Variants in KAT6B observed in about 807,000 individuals in gnomAD.
KAT6B encodes the protein histone acetyltransferase KAT6B.
A neutral mutation model predicts 187.5 loss-of-function variants in KAT6B; 10 were observed. That is an observed-to-expected ratio of 0.05 (90% CI 0.03 to 0.09). The LOEUF is 0.09. Among genes scored for constraint, KAT6B ranks in the 10% least tolerant of loss-of-function variants. KAT6B has a pLI of 1.00. For synonymous variants in KAT6B, 861 were observed against 926.8 expected, an observed-to-expected ratio of 0.93 and a Z score of 1.29; for missense variants, 1,952 against 2,558.9, an observed-to-expected ratio of 0.76 and a Z score of 5.12.
intron 3 of KAT6B, among the ~76,000 whole-genome samples, chr10:74,881,075 A>G (rs1377296483): frequency 6.6e-6 from 1 of 151,490 alleles, no homozygotes; most frequent in Middle Eastern, 3.4e-3. Flanking sequence ...AGGTGCAGCT[A>G]ATTTTTGTCA....
At chr10:74,934,271 G>A (rs1849087144) in intron 3 of KAT6B, among the ~76,000 whole-genome samples, 2 of 151,378 alleles carry the variant, frequency 1.3e-5, no homozygotes, top group African/African-American at 4.9e-5. Flanking sequence ...ATTAGAATGA[G>A]TCACTACCAA....
intron 3 of KAT6B, among the ~76,000 whole-genome samples, chr10:74,872,551 G>GT (rs1235154460): frequency 6.6e-6 from 1 of 151,984 alleles, no homozygotes; most frequent in Non-Finnish European, 1.5e-5. Context: ...AAGTTTTAAA[G>GT]TTTTTTTGTA....
chr10:75,017,256 A>G (rs972536323), intron 13 of KAT6B, among the ~76,000 whole-genome samples: 1 of 176 alleles, frequency 5.7e-3, no homozygotes, highest in Admixed American at 0.05. Flanking sequence ...CCACATCTCT[A>G]TGATGTACTC....
intron 3 of KAT6B, among the ~76,000 whole-genome samples, chr10:74,901,375 G>A (rs1300903158): frequency 6.6e-6 from 1 of 152,130 alleles, no homozygotes; most frequent in Non-Finnish European, 1.5e-5. Context: ...TGGCTGTGTG[G>A]GCAGGTTTCA....
Position 74,975,513 on chromosome 10 carries a change from G to A in KAT6B, c.1176G>A (p.Gly392=). ...CTTCATCTGGTCATGCTGCATCTGG[G>A]AAGGACTCAAGCAGCAGATTGGCTG... is the stretch of plus-strand genomic sequence containing the variant. The part of the protein sequence containing the change: ...TTPSSGHAAS[G]KDSSSRLAVT... The change falls in exon 8 of 18, where the codon GGG becomes GGA. Residue 392 remains glycine, a synonymous_variant. Coordinates refer to ENST00000287239, the MANE Select transcript of KAT6B (RefSeq NM_012330.4). 1 of 1,614,030 alleles carries A rather than the reference G, an allele frequency of 6.2e-7. No individual in the cohort carries two copies. Among genetic ancestry groups the A allele is most frequent in the Non-Finnish European group, 8.5e-7 (1 of 1,180,004 alleles).
At chr10:74,941,213 C>T (rs1849646598) in intron 3 of KAT6B, among the ~76,000 whole-genome samples, 1 of 152,168 alleles carries the variant, frequency 6.6e-6, no homozygotes, top group Non-Finnish European at 1.5e-5. Context: ...GGCATATCAC[C>T]AGGCTGAATG....
chr10:74,854,737 TA>T (rs1315847024), intron 3 of KAT6B, among the ~76,000 whole-genome samples: 1 of 152,252 alleles, frequency 6.6e-6, no homozygotes, highest in Non-Finnish European at 1.5e-5. Context: ...TGATCTGTGA[TA>T]AACCAGCTGC....
At chr10:74,909,574 A>G (rs1224358165) in intron 3 of KAT6B, among the ~76,000 whole-genome samples, 1 of 152,176 alleles carries the variant, frequency 6.6e-6, no homozygotes, top group Non-Finnish European at 1.5e-5. Flanking sequence ...CATAAGCTCC[A>G]GGCTCACCTT....
At chr10:74,830,768 ATTTTTTTTTTTTTTTTTTTTT>A (rs1157500089) in intron 1 of KAT6B, among the ~76,000 whole-genome samples, 5 of 17,112 alleles carry the variant, frequency 2.9e-4, no homozygotes, top group African/African-American at 1.0e-3. Context: ...ATATATATAT[ATTTTTTTTTTTTTTTTTTTTT>A]TTTTTTTTTT....
intron 3 of KAT6B, among the ~76,000 whole-genome samples, chr10:74,860,686 A>G (rs1288603916): frequency 6.6e-6 from 1 of 152,214 alleles, no homozygotes; most frequent in African/African-American, 2.4e-5. Flanking sequence ...GTTACCACAT[A>G]TCTAAATGGT....
intron 3 of KAT6B, among the ~76,000 whole-genome samples, chr10:74,943,522 A>G (rs1412366877): frequency 2.6e-5 from 4 of 152,210 alleles, no homozygotes; most frequent in Non-Finnish European, 5.9e-5. Context: ...AAAAAGAACA[A>G]CAAAGTTGAA....
chr10:74,915,920 T>C (rs1847642480), intron 3 of KAT6B, among the ~76,000 whole-genome samples: 1 of 152,122 alleles, frequency 6.6e-6, no homozygotes, highest in East Asian at 1.9e-4. Flanking sequence ...TAATCCCAGC[T>C]CTTTGGGAGG....
At chr10:74,990,184 G>C (rs972052387) in intron 13 of KAT6B, among the ~76,000 whole-genome samples, 6 of 108,598 alleles carry the variant, frequency 5.5e-5, no homozygotes, top group Non-Finnish European at 6.9e-5. Context: ...GACAGAGTGA[G>C]AGACTCTGTC....
chr10:74,979,521 A>G (rs113903998), intron 10 of KAT6B, among the ~76,000 whole-genome samples, 182 bp downstream of exon 10: 47 of 152,252 alleles, frequency 3.1e-4, no homozygotes, highest in African/African-American at 1.1e-3. Context: ...TGTTCTCGGT[A>G]AATTCCTTAT....
At chr10:75,003,726 C>T (rs1300584080) in intron 13 of KAT6B, among the ~76,000 whole-genome samples, 1 of 151,990 alleles carries the variant, frequency 6.6e-6, no homozygotes, top group Non-Finnish European at 1.5e-5. Context: ...GTCTGAGGTA[C>T]AATATATTTT....
chr10:74,940,383 C>T (rs1849581948), intron 3 of KAT6B, among the ~76,000 whole-genome samples: 1 of 149,368 alleles, frequency 6.7e-6, no homozygotes, highest in African/African-American at 2.5e-5. Context: ...TCAAGTGATT[C>T]GCCTGCCTCA....
intron 11 of KAT6B, 49 bp downstream of exon 11, chr10:74,981,977 C>G: frequency 1.3e-6 from 2 of 1,536,410 alleles, no homozygotes; most frequent in Non-Finnish European, 1.8e-6. Flanking sequence ...TCTAGTACTC[C>G]TAATTGTTGA....
At chr10:74,880,375 T>G (rs1844758761) in intron 3 of KAT6B, among the ~76,000 whole-genome samples, 1 of 152,250 alleles carries the variant, frequency 6.6e-6, no homozygotes, top group African/African-American at 2.4e-5. Context: ...GCATAATTTT[T>G]CAAGTTCTTT....
chr10:74,959,388 A>G (rs1175858884), intron 3 of KAT6B, among the ~76,000 whole-genome samples: 2 of 152,248 alleles, frequency 1.3e-5, no homozygotes, highest in Non-Finnish European at 2.9e-5. Context: ...GAGATGTCCA[A>G]TGAATCCTTA....
Sources: allele counts gnomAD v4.1 joint callset (sites outside exome capture counted in the v4.1 genomes callset), GRCh38; gene constraint gnomAD v4.1.1; transcripts MANE v1.5; gene names NCBI Gene and HGNC (gene_info 2026-07-23, HGNC 2026-07-21).